The following PDE4D variants were observed in gnomAD, a reference collection of about 807,000 sequenced individuals.
The protein encoded by PDE4D is 3',5'-cyclic-AMP phosphodiesterase 4D.
A neutral mutation model predicts 87.4 loss-of-function variants in PDE4D; 24 were observed. The observed-to-expected ratio is 0.27, with a 90% confidence interval of 0.20 to 0.39. The LOEUF is 0.39. Ranked by LOEUF, PDE4D falls within the 10% of genes least tolerant of loss-of-function variation. The pLI, the probability that PDE4D is intolerant of heterozygous loss-of-function variation, is 1.00. For missense variants in PDE4D, 714 were observed against 1,041.0 expected (o/e 0.69, Z 4.32); for synonymous variants, 384 against 383.2 (o/e 1.00, Z -0.02).
intron 5 of PDE4D, among the ~76,000 whole-genome samples, chr5:59,172,193 TATA>T (rs1306056641): frequency 9.0e-6 from 1 of 110,668 alleles, no homozygotes; most frequent in Non-Finnish European, 1.7e-5. Flanking sequence ...ATAATACATA[TATA>T]ATAAATATGT....
At chr5:59,949,826 A>G (rs1226542011) in intron 3 of PDE4D, among the ~76,000 whole-genome samples, 1 of 152,182 alleles carries the variant, frequency 6.6e-6, no homozygotes, top group East Asian at 1.9e-4. Context: ...GGTTTTCCTT[A>G]TATAACTGTA....
chr5:59,424,355 C>A (rs1163871120), intron 1 of PDE4D, among the ~76,000 whole-genome samples: 1 of 152,138 alleles, frequency 6.6e-6, no homozygotes, highest in South Asian at 2.1e-4. Flanking sequence ...AGAAAGTAGT[C>A]CCTTTGTTTT....
At chr5:60,493,583 ATCATTCATTCATTCATTCATTCAT>A (rs56333350) in intron 1 of PDE4D, among the ~76,000 whole-genome samples, 2 of 149,560 alleles carry the variant, frequency 1.3e-5, no homozygotes, top group African/African-American at 5.0e-5. Flanking sequence ...TCTATACACA[ATCATTCATTCATTCATTCATTCAT>A]TCATTCATTC....
At chr5:60,245,130 G>GA (rs1747606185) in intron 1 of PDE4D, among the ~76,000 whole-genome samples, 1 of 151,908 alleles carries the variant, frequency 6.6e-6, no homozygotes, top group African/African-American at 2.4e-5. Context: ...ATGGGTGAAA[G>GA]AGTTGAGTAA....
At chr5:60,162,367 A>AGGTCTCCGC (rs1291436880) in intron 2 of PDE4D, among the ~76,000 whole-genome samples, 5 of 152,184 alleles carry the variant, frequency 3.3e-5, no homozygotes, top group African/African-American at 1.2e-4. Flanking sequence ...TGGCCTCTTT[A>AGGTCTCCGC]AGTCTCCGCA....
At chr5:59,974,994 A>G (rs969375153) in intron 3 of PDE4D, among the ~76,000 whole-genome samples, 1 of 152,004 alleles carries the variant, frequency 6.6e-6, no homozygotes, top group Non-Finnish European at 1.5e-5. Context: ...AGGGTAAGGT[A>G]CTCTGGTTCT....
At chr5:59,355,397 G>A (rs899708620) in intron 1 of PDE4D, among the ~76,000 whole-genome samples, 1 of 152,036 alleles carries the variant, frequency 6.6e-6, no homozygotes, top group African/African-American at 2.4e-5. Context: ...ATGATATTAA[G>A]GAGCTTGTTA....
At chr5:59,191,112 T>C (rs1252258335) in intron 3 of PDE4D, among the ~76,000 whole-genome samples, 3 of 152,180 alleles carry the variant, frequency 2.0e-5, no homozygotes, top group Non-Finnish European at 4.4e-5. Flanking sequence ...TACACATCTT[T>C]TTTATTTAAA....
intron 1 of PDE4D, among the ~76,000 whole-genome samples, chr5:59,584,881 T>C (rs550903008): frequency 1.3e-5 from 2 of 152,292 alleles, no homozygotes; most frequent in East Asian, 1.9e-4. Flanking sequence ...AATTGACAAA[T>C]GCCTACTACG....
chr5:59,674,340 A>G (rs1311004699), intron 1 of PDE4D, among the ~76,000 whole-genome samples: 1 of 152,136 alleles, frequency 6.6e-6, no homozygotes, highest in African/African-American at 2.4e-5. Context: ...ACCATGTCTG[A>G]TGCATCTTTT....
intron 1 of PDE4D, among the ~76,000 whole-genome samples, chr5:60,337,929 A>T (rs1023951760): frequency 1.3e-5 from 2 of 152,190 alleles, no homozygotes; most frequent in Non-Finnish European, 2.9e-5. Flanking sequence ...TAATAATAAA[A>T]AAAAAGACAT....
intron 3 of PDE4D, among the ~76,000 whole-genome samples, chr5:59,965,655 C>A (rs1759959862): frequency 6.6e-6 from 1 of 152,166 alleles, no homozygotes; most frequent in Non-Finnish European, 1.5e-5. Context: ...CTCCCTGCCA[C>A]AAGAAGCAGA....
chr5:60,041,642 C>T (rs766646284), intron 2 of PDE4D, among the ~76,000 whole-genome samples: 62 of 152,202 alleles, frequency 4.1e-4, no homozygotes, highest in Middle Eastern at 3.4e-3. Flanking sequence ...TGGGTACAGA[C>T]CACGGCGTGT....
chr5:59,670,946 G>A (rs1747101455), intron 1 of PDE4D, among the ~76,000 whole-genome samples: 1 of 151,998 alleles, frequency 6.6e-6, no homozygotes, highest in South Asian at 2.1e-4. Context: ...TGGGATAACA[G>A]GTATGCACTA....
chr5:59,406,888 C>T (rs1010217488), intron 1 of PDE4D, among the ~76,000 whole-genome samples: 1 of 152,106 alleles, frequency 6.6e-6, no homozygotes, highest in East Asian at 1.9e-4. Context: ...TTTATATCAA[C>T]CTAATCATCA....
chr5:60,028,319 T>C (rs1766863201), intron 2 of PDE4D, among the ~76,000 whole-genome samples: 1 of 152,188 alleles, frequency 6.6e-6, no homozygotes, highest in Non-Finnish European at 1.5e-5. Context: ...GTACATTATT[T>C]GAGTAATGGG....
chr5:59,975,276 G>T (rs371655094), intron 3 of PDE4D, among the ~76,000 whole-genome samples: 40 of 152,216 alleles, frequency 2.6e-4, no homozygotes, highest in African/African-American at 9.1e-4. Context: ...CGATCTCTCA[G>T]TTCCTCAGCT....
chr5:60,015,827 A>G (rs73098731), intron 2 of PDE4D, among the ~76,000 whole-genome samples: 1,707 of 152,096 alleles, frequency 0.011, 40 homozygotes, highest in African/African-American at 0.04. Flanking sequence ...TTGGGTCTTC[A>G]GTCTGCTGGA....
chr5:60,273,761 T>A (rs1317976439), intron 1 of PDE4D, among the ~76,000 whole-genome samples: 1 of 151,914 alleles, frequency 6.6e-6, no homozygotes, highest in Admixed American at 6.6e-5. Context: ...TACTTATCAC[T>A]GAAACAGAGA....
Sources: gnomAD v4.1 joint callset for allele counts (sites outside exome capture counted in the v4.1 genomes callset) on GRCh38, gnomAD v4.1.1 for gene constraint, MANE v1.5 for transcripts, NCBI Gene and HGNC (gene_info 2026-07-23, HGNC 2026-07-21) for gene names.